ZCCHC7: variants seen among roughly 807,000 people sequenced by gnomAD.
ZCCHC7 encodes the protein zinc finger CCHC-type containing 7, also known as zinc finger CCHC domain-containing protein 7.
ZCCHC7 carries 35 observed loss-of-function variants against 52.0 expected under a neutral mutation model. The observed-to-expected ratio is 0.67, with a 90% CI of 0.51 to 0.89. ZCCHC7 has a LOEUF of 0.89. Ranked by LOEUF, ZCCHC7 falls within the 40% of genes least tolerant of loss-of-function variation. The probability of loss-of-function intolerance (pLI) is 0.00; values close to 1 mark genes in which losing one functional copy is unlikely to be tolerated. For synonymous variants in ZCCHC7, 217 were observed against 221.5 expected, an observed-to-expected ratio of 0.98 and a Z score of 0.18; for missense variants, 574 against 649.1, an observed-to-expected ratio of 0.88 and a Z score of 1.26.
At chr9:37,343,859 A>G (rs947279871) in intron 6 of ZCCHC7, among the ~76,000 whole-genome samples, 11 of 152,178 alleles carry the variant, frequency 7.2e-5, no homozygotes, top group African/African-American at 2.7e-4. Flanking sequence ...CTCTGTTATA[A>G]CTCTATCCTT....
intron 2 of ZCCHC7, among the ~76,000 whole-genome samples, chr9:37,195,630 G>A (rs149207008): frequency 1.2e-3 from 184 of 152,268 alleles, no homozygotes; most frequent in African/African-American, 4.4e-3. Flanking sequence ...GTCGAGGAAG[G>A]GAAAGGCATT....
chr9:37,269,830 T>C (rs943811561), intron 2 of ZCCHC7, among the ~76,000 whole-genome samples: 6 of 152,076 alleles, frequency 3.9e-5, no homozygotes, highest in Admixed American at 6.5e-5. Flanking sequence ...GCCCTGCGTA[T>C]GCTAAGGAAA....
intron 2 of ZCCHC7, among the ~76,000 whole-genome samples, chr9:37,295,574 A>C (rs192627023): frequency 2.0e-5 from 3 of 152,300 alleles, no homozygotes; most frequent in African/African-American, 7.2e-5. Flanking sequence ...CATTGAGGCT[A>C]TTTTGGATAC....
chr9:37,253,603 G>A (rs570716946), intron 2 of ZCCHC7, among the ~76,000 whole-genome samples: 4 of 151,882 alleles, frequency 2.6e-5, no homozygotes, highest in Non-Finnish European at 5.9e-5. Context: ...CACACACAGT[G>A]GGACCAGGGA....
chr9:37,267,574 T>C (rs1453530764), intron 2 of ZCCHC7, among the ~76,000 whole-genome samples: 1 of 144,490 alleles, frequency 6.9e-6, no homozygotes, highest in African/African-American at 2.6e-5. Context: ...TTCTTTTTTT[T>C]TTTTTTTTTT....
At chr9:37,214,945 T>G (rs983707645) in intron 2 of ZCCHC7, among the ~76,000 whole-genome samples, 8 of 152,074 alleles carry the variant, frequency 5.3e-5, no homozygotes, top group African/African-American at 1.9e-4. Flanking sequence ...TAAATCAGGG[T>G]GTAGGAAAAT....
intron 2 of ZCCHC7, among the ~76,000 whole-genome samples, chr9:37,243,933 G>A (rs1302880338): frequency 6.6e-6 from 1 of 151,850 alleles, no homozygotes; most frequent in Non-Finnish European, 1.5e-5. Context: ...TGTATGGTCT[G>A]AGGATATGAC....
intron 2 of ZCCHC7, 29 bp downstream of exon 2, chr9:37,126,971 T>A (rs775440219): frequency 6.2e-7 from 1 of 1,602,546 alleles, no homozygotes; most frequent in South Asian, 1.1e-5. Context: ...ATTTTGAAAG[T>A]AGTATCATCT....
chr9:37,256,978 TAACAA>T (rs1411580813), intron 2 of ZCCHC7, among the ~76,000 whole-genome samples: 2 of 152,180 alleles, frequency 1.3e-5, no homozygotes, highest in African/African-American at 4.8e-5. Flanking sequence ...TGGATACCTA[TAACAA>T]AAGACAGAAG....
intron 5 of ZCCHC7, among the ~76,000 whole-genome samples, chr9:37,309,044 A>G (rs1167424024): frequency 6.6e-6 from 1 of 151,998 alleles, no homozygotes. Flanking sequence ...ATAAAATAAA[A>G]TAGGGTTGGG....
At chr9:37,227,028 CAAA>C (rs895936555) in intron 2 of ZCCHC7, among the ~76,000 whole-genome samples, 5 of 92,666 alleles carry the variant, frequency 5.4e-5, no homozygotes, top group African/African-American at 1.0e-4. Flanking sequence ...GACTCCGTCT[CAAA>C]AAAAAAAAAA....
At chr9:37,304,043 A>G in intron 3 of ZCCHC7, 145 bp from the exon 4 acceptor site, 2 of 730,436 alleles carry the variant, frequency 2.7e-6, no homozygotes, top group Non-Finnish European at 4.4e-6. Flanking sequence ...ATAACTAATA[A>G]TTCTCTTGCT....
intron 2 of ZCCHC7, among the ~76,000 whole-genome samples, chr9:37,268,006 A>T (rs949901058): frequency 6.6e-6 from 1 of 152,050 alleles, no homozygotes; most frequent in Admixed American, 6.6e-5. Flanking sequence ...CATTTTCTTG[A>T]AGTTGAAGAT....
At chr9:37,201,646 A>C (rs767030058) in intron 2 of ZCCHC7, among the ~76,000 whole-genome samples, 7 of 152,206 alleles carry the variant, frequency 4.6e-5, no homozygotes, top group African/African-American at 2.4e-5. Flanking sequence ...AGAAGTGAAT[A>C]TGTTTAAATA....
chr9:37,163,923 T>G (rs1286647732), intron 2 of ZCCHC7, among the ~76,000 whole-genome samples: 2 of 152,210 alleles, frequency 1.3e-5, no homozygotes, highest in Non-Finnish European at 2.9e-5. Flanking sequence ...CACCATTTGT[T>G]GAACAATTAT....
At chr9:37,161,521 G>T (rs1374946554) in intron 2 of ZCCHC7, among the ~76,000 whole-genome samples, 1 of 151,964 alleles carries the variant, frequency 6.6e-6, no homozygotes, top group Non-Finnish European at 1.5e-5. Context: ...CTTGCAGTGA[G>T]CCAAGATGGC....
intron 2 of ZCCHC7, among the ~76,000 whole-genome samples, chr9:37,258,583 C>T (rs1355003005): frequency 6.6e-6 from 1 of 151,442 alleles, no homozygotes; most frequent in Non-Finnish European, 1.5e-5. Context: ...ATGGTGGGAC[C>T]CAGCTCTACA....
intron 5 of ZCCHC7, among the ~76,000 whole-genome samples, chr9:37,306,785 TTTTTTTTTTTTTTTTTTTTG>T (rs1167368805): frequency 2.6e-4 from 23 of 89,426 alleles, no homozygotes; most frequent in African/African-American, 1.1e-3. Flanking sequence ...TTTTTTTTTT[TTTTTTTTTTTTTTTTTTTTG>T]GAGACAGGGT....
intron 5 of ZCCHC7, chr9:37,327,190 T>C (rs1372625531): frequency 6.6e-6 from 1 of 152,092 alleles, no homozygotes; most frequent in East Asian, 1.9e-4. Flanking sequence ...ATTATCGACG[T>C]TTTGGGGATT....
Sources: gnomAD v4.1 joint callset for allele counts (sites outside exome capture counted in the v4.1 genomes callset) on GRCh38, gnomAD v4.1.1 for gene constraint, MANE v1.5 for transcripts, NCBI Gene and HGNC (gene_info 2026-07-23, HGNC 2026-07-21) for gene names.